AKAP9: variants seen among roughly 807,000 people sequenced by gnomAD.
AKAP9 encodes A-kinase anchor protein 9.
Under a neutral mutation model 488.5 loss-of-function variants are expected in AKAP9, and 311 were observed. The observed-to-expected ratio is 0.64, with a 90% CI of 0.58 to 0.70. The LOEUF (loss-of-function observed/expected upper bound fraction) is 0.70. AKAP9 is among the 30% of genes least tolerant of loss of function. The pLI is 0.00. For missense variants in AKAP9, 4,215 were observed against 4,374.5 expected (o/e 0.96, Z 1.03); for synonymous variants, 1,462 against 1,483.5 (o/e 0.99, Z 0.33).
At chr7:92,012,854 A>G (rs546215170) in intron 9 of AKAP9, among the ~76,000 whole-genome samples, 1 of 152,286 alleles carries the variant, frequency 6.6e-6, no homozygotes, top group African/African-American at 2.4e-5. Context: ...AAGCATATAT[A>G]AAATAAACAA....
At chr7:91,974,072 C>A in intron 2 of AKAP9, 104 bp downstream of exon 2, 1 of 1,391,064 alleles carries the variant, frequency 7.2e-7, no homozygotes, top group African/African-American at 1.4e-5. Flanking sequence ...TTTTTATGTC[C>A]TCTTGAAAGT....
intron 9 of AKAP9, among the ~76,000 whole-genome samples, chr7:92,012,973 ATTTTTTTTTTTTT>A (rs749688986): frequency 6.1e-4 from 37 of 60,752 alleles, no homozygotes; most frequent in Middle Eastern, 0.012. Flanking sequence ...TGGGGTTGGA[ATTTTTTTTTTTTT>A]TTTTTTTTTT....
chr7:92,074,116 A>C (rs1812170262), intron 28 of AKAP9, among the ~76,000 whole-genome samples: 1 of 149,868 alleles, frequency 6.7e-6, no homozygotes, highest in African/African-American at 2.4e-5. Flanking sequence ...TTTGCAATCT[A>C]TCCATCTGAC....
chr7:91,957,895 G>GA (rs147606410), intron 1 of AKAP9, among the ~76,000 whole-genome samples: 16 of 150,670 alleles, frequency 1.1e-4, no homozygotes, highest in East Asian at 1.9e-4. Flanking sequence ...ACTATTTTCA[G>GA]AAAAAAAAAT....
chr7:92,002,294 A>G lies in AKAP9; in HGVS notation c.2377A>G (p.Ile793Val), dbSNP rs1375321033. ...GAAAACCCTTGAAGACATGTTGAAA[A>G]TACATACTCCTGTTAGCCAAGAAGA... ...EKKTLEDMLKIHTPVSQEERL... is the reference protein window; with the variant it reads ...EKKTLEDMLKVHTPVSQEERL... The change falls in exon 8 of 50, where the codon ATA becomes GTA. Residue 793 changes from isoleucine (I) to valine (V), a missense_variant. This residue lies in a region of AKAP9 where 2,361 missense variants were observed against 2,430.0 expected (regional missense o/e 0.97). Transcript: ENST00000356239. 5.6e-6 allele frequency: 9 copies of G among 1,612,478 alleles called. No homozygotes were observed. Among genetic ancestry groups the G allele is most frequent in the Non-Finnish European group, 7.6e-6 (9 of 1,179,210 alleles).
rs1814573748 is a variant in AKAP9 at position 92,086,392 on chromosome 7, T to C, written c.9189T>C (p.Cys3063=). 6.2e-7 allele frequency: 1 copy of C among 1,613,894 alleles called. No homozygotes were observed. The highest frequency in any genetic ancestry group is 8.5e-7 in the Non-Finnish European group (1 of 1,179,848). ...GTTDAVGLLN[C]LEQRIQEQGV... is the part of the protein sequence containing the mutation. ...CAGATGCAGTTGGTTTACTAAACTG[T>C]TTGGAACAGAGAATACAAGAACAGG... The change falls in exon 37 of 50, where the codon TGT becomes TGC. Residue 3063 remains cysteine (C), a synonymous_variant. Transcript: ENST00000356239.
intron 1 of AKAP9, among the ~76,000 whole-genome samples, chr7:91,948,264 C>T (rs1791717806): frequency 6.6e-6 from 1 of 151,980 alleles, no homozygotes; most frequent in African/African-American, 2.4e-5. Context: ...ATTTGAGTAC[C>T]TGTTTTCATT....
Position 92,070,906 on chromosome 7 carries a change from T to C in AKAP9, c.6509T>C (p.Val2170Ala), listed in dbSNP as rs748409313. ...GAGAAAATTTTTATATATTTAAAGG[T>C]AGAGGACCGAAAACACTTTGGAGCT... ...LLVSADTFQK[V>A]EDRKHFGAVE... The change falls in exon 28 of 50, where the codon GTA (valine) becomes GCA (alanine). Residue 2170 changes from valine (V) to alanine (A), a missense_variant and splice_region_variant. By Grantham distance (64) the Val-to-Ala change is moderately conservative. This residue lies in a region of AKAP9 where 2,361 missense variants were observed against 2,430.0 expected (regional missense o/e 0.97). Transcript: ENST00000356239. 6.2e-7 allele frequency: 1 copy of C among 1,608,098 alleles called. No individual in the cohort carries two copies. Among genetic ancestry groups the C allele is most frequent in the African/African-American group, 1.3e-5 (1 of 74,444 alleles).
In AKAP9 at chr7:92,022,260, G is replaced by T. The variant is rs752180431; in HGVS notation, c.3860G>T (p.Gly1287Val). Residue 1287 changes from glycine to valine, a missense_variant, in exon 13 of 50, where the codon GGT becomes GTT. Physicochemically the swap from Gly to Val is moderately radical, Grantham distance 109. Coordinates refer to ENST00000356239, the MANE Select transcript of AKAP9 (RefSeq NM_005751.5). The part of the protein sequence containing the change: ...LSKIWGQQTD[G>V]MKLEFGEENL... ...TAGATCTGGGGACAGCAGACAGATG[G>T]TATGAAACTTGAATTTGGAGAAGAA... The T allele has an allele frequency of 1.2e-6, 2 of 1,613,076 alleles. No individual in the cohort carries two copies. The highest frequency in any genetic ancestry group is 3.3e-4 in the Middle Eastern group (2 of 6,050).
At position 92,002,463 on chromosome 7, in the gene AKAP9, CTT is replaced by C; in HGVS notation, c.2550_2551del (p.Ser851IlefsTer3). ...GAAGAGATTGAAAAGCAAAGGAACA[CTT>C]TTTCATTTGCTGAAAAAAACTTTGA... On this transcript the variant is annotated frameshift_variant, in exon 8 of 50. Coordinates refer to ENST00000356239, the MANE Select transcript of AKAP9 (RefSeq NM_005751.5). LOFTEE classifies it high-confidence loss of function. 6.2e-7 allele frequency: 1 copy of C among 1,610,602 alleles called. No individual in the cohort carries two copies. The highest frequency in any genetic ancestry group is 8.5e-7 in the Non-Finnish European group (1 of 1,179,034).
intron 7 of AKAP9, chr7:91,996,050 A>G (rs773311525): frequency 4.8e-6 from 2 of 412,400 alleles, no homozygotes; most frequent in South Asian, 7.9e-5. Context: ...ATTTATAGCT[A>G]TAGTTTTTTT....
At chr7:92,089,049 CTTT>C (rs1244431497) in intron 37 of AKAP9, among the ~76,000 whole-genome samples, 1 of 152,074 alleles carries the variant, frequency 6.6e-6, no homozygotes, top group Non-Finnish European at 1.5e-5. Flanking sequence ...GGGAATATCA[CTTT>C]TTTTCTTTTT....
At chr7:91,953,315 T>C (rs1192502714) in intron 1 of AKAP9, among the ~76,000 whole-genome samples, 1 of 152,222 alleles carries the variant, frequency 6.6e-6, no homozygotes, top group African/African-American at 2.4e-5. Context: ...TGTACATTTT[T>C]TAATTAGAAG....
At position 91,981,603 on chromosome 7, in the gene AKAP9, C is replaced by CT. The variant is rs532220900; in HGVS notation, c.351+1290dup. Among the ~76,000 whole-genome samples the CT allele has an allele frequency of 3.2e-3, 340 of 106,608 alleles. 5 individuals are homozygous for CT. In the South Asian group the frequency reaches 0.038, roughly 12 times the overall value. 69.9% of individuals were successfully genotyped at this position (106,608 alleles called of 152,430 possible). On this transcript the variant is annotated intron_variant, in intron 3 of 49. Coordinates refer to ENST00000356239, the MANE Select transcript of AKAP9 (RefSeq NM_005751.5). The stretch of plus-strand genomic sequence containing the variant: ...GCTCTAATTTTTATATCTTGTATTT[C>CT]TTTTTTTTTTTTTTTTTTTTCACCA...
chr7:92,022,275 T>G lies in AKAP9; in HGVS notation c.3875T>G (p.Phe1292Cys). 1 of 1,613,694 alleles carries G rather than the reference T, an allele frequency of 6.2e-7. No individual in the cohort carries two copies. Among genetic ancestry groups the G allele is most frequent in the Non-Finnish European group, 8.5e-7 (1 of 1,179,710 alleles). The change falls in exon 13 of 50, where the codon TTT becomes TGT. Residue 1292 changes from phenylalanine (F) to cysteine (C), a missense_variant. By Grantham distance (205) the Phe-to-Cys change is radical. Transcript: ENST00000356239. ...CAGACAGATGGTATGAAACTTGAAT[T>G]TGGAGAAGAAAACCTTCCAAAAGAG... is the stretch of plus-strand genomic sequence containing the variant. The part of the protein sequence containing the change: ...GQQTDGMKLE[F>C]GEENLPKEET...
chr7:91,965,294 T>G (rs956088024), intron 1 of AKAP9, among the ~76,000 whole-genome samples: 6 of 152,230 alleles, frequency 3.9e-5, no homozygotes, highest in Non-Finnish European at 7.3e-5. Context: ...GATATTTGTC[T>G]TTCTGTGCTT....
Position 91,951,410 on chromosome 7 carries a change from G to A in AKAP9, c.48+10263G>A, listed in dbSNP as rs183882512. On this transcript the variant is annotated intron_variant, in intron 1 of 49. Coordinates refer to ENST00000356239, the MANE Select transcript of AKAP9 (RefSeq NM_005751.5). ...CATGATCACGGCTCATTGCAACCTC[G>A]ACCTCCTGAATTCAATTGATCCTCT... Among the ~76,000 whole-genome samples the A allele has an allele frequency of 2.4e-3, 368 of 151,362 alleles. 3 individuals are homozygous for A. Among genetic ancestry groups the A allele is most frequent in the African/African-American group, 8.5e-3 (350 of 41,222 alleles).
rs1253160020 is a variant in AKAP9 at position 91,960,972 on chromosome 7, CATTT to C, written c.49-12734_49-12731del. 2.0e-5 allele frequency among the ~76,000 whole-genome samples: 3 copies of C among 152,152 alleles called. No homozygotes were observed. In the East Asian group the frequency reaches 5.8e-4, roughly 29 times the overall value. On this transcript the variant is annotated intron_variant, in intron 1 of 49. Transcript: ENST00000356239. ...TGAAATTGTGTATTAACTTTTATCT[CATTT>C]ATTTCTCACAACTTGATGAAATGAG...
At chr7:92,028,154 C>T (rs1162827288) in intron 14 of AKAP9, among the ~76,000 whole-genome samples, 4 of 151,940 alleles carry the variant, frequency 2.6e-5, no homozygotes, top group Admixed American at 6.6e-5. Context: ...ACAAACACTG[C>T]GGAAGGCCGC....
Sources: gnomAD v4.1 joint callset for allele counts (sites outside exome capture counted in the v4.1 genomes callset) on GRCh38, gnomAD v4.1.1 for gene constraint, gnomAD v4.1.1 regional missense constraint, MANE v1.5 for transcripts, NCBI Gene and HGNC (gene_info 2026-07-23, HGNC 2026-07-21) for gene names.